Variants in KCNA3 observed in about 807,000 individuals in gnomAD.
KCNA3 encodes potassium voltage-gated channel subfamily A member 3, also known as RP11-284N8.3.
KCNA3 carries 18 observed loss-of-function variants against 34.3 expected under a neutral mutation model. The ratio of observed to expected loss-of-function variants is 0.52; its 90% CI spans 0.36 to 0.78. The LOEUF is 0.78. Among genes scored for constraint, KCNA3 ranks in the 30% least tolerant of loss-of-function variants. The probability of loss-of-function intolerance (pLI) is 0.00; values close to 1 mark genes in which losing one functional copy is unlikely to be tolerated. For synonymous variants in KCNA3, 324 were observed against 351.7 expected, an observed-to-expected ratio of 0.92 and a Z score of 0.88; for missense variants, 587 against 802.5, an observed-to-expected ratio of 0.73 and a Z score of 3.24.
the KCNA3 span, among the ~76,000 whole-genome samples, chr1:110,660,014 C>T: frequency 5.9e-5 from 9 of 152,040 alleles, no homozygotes; most frequent in Non-Finnish European, 1.3e-4. Context: ...AGCAAACCAA[C>T]ATGACACATG....
At chr1:110,657,261 G>C in the KCNA3 span, among the ~76,000 whole-genome samples, 1 of 151,962 alleles carries the variant, frequency 6.6e-6, no homozygotes, top group Non-Finnish European at 1.5e-5. Context: ...TGGCCAGGCT[G>C]GTCTCGAACT....
At chr1:110,663,625 T>C in the KCNA3 span, among the ~76,000 whole-genome samples, 21 of 152,324 alleles carry the variant, frequency 1.4e-4, no homozygotes, top group Admixed American at 1.2e-3. Context: ...GTTACAATAT[T>C]ACATAAAATC....
the KCNA3 span, chr1:110,653,634 A>C: frequency 6.6e-6 from 1 of 152,194 alleles, no homozygotes; most frequent in Non-Finnish European, 1.5e-5. Context: ...GAGAAATTTA[A>C]AAAATCAATC....
Position 110,673,304 on chromosome 1 carries a change from C to T in KCNA3, c.1506G>A (p.Val502=), listed in dbSNP as rs1459274060. The change falls in exon 1 of 1, where the codon GTG becomes GTA. Residue 502 remains valine (V), a synonymous_variant. Coordinates refer to ENST00000369769, the MANE Select transcript of KCNA3 (RefSeq NM_002232.5). The surrounding 1 kb of genome is among the most constrained non-coding windows in gnomAD (Gnocchi z 8.8). ...AAGAGGAGAGGTGCTGGCAACTTCC[C>T]ACGTGCATGTACTGGGATTGCTCTT... ...EGEEQSQYMH[V]GSCQHLSSSA... 3 of 1,613,952 alleles carry T rather than the reference C, an allele frequency of 1.9e-6. No homozygotes were observed. Among genetic ancestry groups the T allele is most frequent in the Non-Finnish European group, 1.7e-6 (2 of 1,180,000 alleles).
At chr1:110,671,355 C>G (rs1651884664), downstream of KCNA3, among the ~76,000 whole-genome samples, 1 of 152,128 alleles carries the variant, frequency 6.6e-6, no homozygotes, top group Non-Finnish European at 1.5e-5. Flanking sequence ...AAAAAGACAC[C>G]AAGCATGTAA....
downstream of KCNA3, among the ~76,000 whole-genome samples, chr1:110,669,358 A>C (rs1359418007): frequency 2.6e-5 from 4 of 152,226 alleles, no homozygotes; most frequent in African/African-American, 7.2e-5. Flanking sequence ...ATGACTGGTT[A>C]TACTTTCTAA....
At position 110,673,194 on chromosome 1, in the gene KCNA3, T is replaced by C. The variant is rs775628549; in HGVS notation, c.1616A>G (p.His539Arg). The C allele has an allele frequency of 1.2e-6, 2 of 1,614,166 alleles. No homozygotes were observed. The highest frequency in any genetic ancestry group is 1.1e-5 in the South Asian group (1 of 91,080). ...GAAAGGGGTCTGGGGGAAAGCGCTA[T>C]GGTTCATACCCCCCTCTTCGATCAC... is the stretch of plus-strand genomic sequence containing the variant. The part of the protein sequence containing the change: ...YMVIEEGGMN[H>R]SAFPQTPFKT... Residue 539 changes from histidine to arginine, a missense_variant, in exon 1 of 1, where the codon CAT becomes CGT. His to Arg is a conservative substitution (Grantham distance 29). Coordinates refer to ENST00000369769, the MANE Select transcript of KCNA3 (RefSeq NM_002232.5). This position sits in a 1 kb window ranked among gnomAD's most constrained non-coding sequence, Gnocchi z 8.8.
At chr1:110,662,038 G>A in the KCNA3 span, among the ~76,000 whole-genome samples, 4 of 149,984 alleles carry the variant, frequency 2.7e-5, no homozygotes, top group African/African-American at 7.3e-5. Context: ...GCGTGAACCC[G>A]GGAGGCAAAA....
downstream of KCNA3, among the ~76,000 whole-genome samples, chr1:110,672,277 G>A (rs1370155679): frequency 6.6e-6 from 1 of 152,214 alleles, no homozygotes; most frequent in East Asian, 1.9e-4. Context: ...TACTGCCGAA[G>A]CTTATCTCTC....
In KCNA3 at chr1:110,673,269, T is replaced by C; in HGVS notation, c.1541A>G (p.Glu514Gly). The change falls in exon 1 of 1, where the codon GAG becomes GGG. Residue 514 changes from glutamate to glycine, a missense_variant. Coordinates refer to ENST00000369769, the MANE Select transcript of KCNA3 (RefSeq NM_002232.5). The surrounding 1 kb of genome is among the most constrained non-coding windows in gnomAD (Gnocchi z 8.8). ...CGAGTTACTCCTTGCTTTTCGGAGC[T>C]CCTCGGCTGAAGAGGAGAGGTGCTG... ...SCQHLSSSAE[E>G]LRKARSNSTL... 1 of 1,613,990 alleles carries C rather than the reference T, an allele frequency of 6.2e-7. No individual in the cohort carries two copies. The highest frequency in any genetic ancestry group is 8.5e-7 in the Non-Finnish European group (1 of 1,179,988).
the KCNA3 span, among the ~76,000 whole-genome samples, chr1:110,661,433 A>C: frequency 6.6e-5 from 10 of 152,364 alleles, no homozygotes; most frequent in South Asian, 1.0e-3. Context: ...GTACGTTCAC[A>C]GTATGCTTAA....
chr1:110,667,703 T>G (rs1651733681), downstream of KCNA3, among the ~76,000 whole-genome samples: 1 of 152,108 alleles, frequency 6.6e-6, no homozygotes. Context: ...AAAACACACA[T>G]CTGGTACAAA....
Position 110,674,821 on chromosome 1 carries a change from G to A in KCNA3, c.-12C>T, listed in dbSNP as rs752009295. On this transcript the variant is annotated 5_prime_UTR_variant, in exon 1 of 1. Transcript: ENST00000369769. The surrounding 1 kb of genome is among the most constrained non-coding windows in gnomAD (Gnocchi z 6.4). ...AGGCGCTCGTCCATGCGGCGGGGAAGAGGCGGCAGCGGTGAGGCCAGGTCG... is the reference window on the plus strand; with the variant it reads ...AGGCGCTCGTCCATGCGGCGGGGAAAAGGCGGCAGCGGTGAGGCCAGGTCG... 17 of 1,305,602 alleles carry A rather than the reference G, an allele frequency of 1.3e-5. No homozygotes were observed. The South Asian group carries it at 3.5e-4, about 27-fold the overall frequency. 80.9% of individuals were successfully genotyped at this position (1,305,602 alleles called of 1,614,324 possible).
downstream of KCNA3, among the ~76,000 whole-genome samples, chr1:110,668,618 G>A (rs935848618): frequency 2.6e-5 from 4 of 152,006 alleles, no homozygotes; most frequent in Non-Finnish European, 4.4e-5. Flanking sequence ...CCTCCTATGC[G>A]TAGGTGTCTG....
chr1:110,655,647 T>C, the KCNA3 span: 180 of 152,304 alleles, frequency 1.2e-3, 1 homozygote, highest in African/African-American at 4.1e-3. Context: ...ATTGCTCCAC[T>C]AGTCAAAATA....
At chr1:110,665,187 A>G in the KCNA3 span, among the ~76,000 whole-genome samples, 1 of 152,246 alleles carries the variant, frequency 6.6e-6, no homozygotes, top group Non-Finnish European at 1.5e-5. Context: ...ATGTTTTTAA[A>G]GAATCACTCT....
the KCNA3 span, among the ~76,000 whole-genome samples, chr1:110,666,514 G>A: frequency 6.6e-6 from 1 of 152,144 alleles, no homozygotes; most frequent in East Asian, 1.9e-4. Context: ...GAGATCATGT[G>A]GGGCCATAAA....
At chr1:110,658,877 A>G in the KCNA3 span, among the ~76,000 whole-genome samples, 2 of 152,180 alleles carry the variant, frequency 1.3e-5, no homozygotes, top group Non-Finnish European at 2.9e-5. Context: ...AAGTACTAAC[A>G]CATTTTTGTC....
chr1:110,672,354 G>A (rs1259151933), downstream of KCNA3: 1 of 152,630 alleles, frequency 6.6e-6, no homozygotes, highest in East Asian at 1.9e-4. Context: ...GACTTTGATA[G>A]TTGTTGGGGC....
Sources: allele counts gnomAD v4.1 joint callset (sites outside exome capture counted in the v4.1 genomes callset), GRCh38; gene constraint gnomAD v4.1.1; non-coding constraint Gnocchi (gnomAD v3.1); transcripts MANE v1.5; gene names NCBI Gene and HGNC (gene_info 2026-07-23, HGNC 2026-07-21).